Variants in USP50 observed in about 807,000 individuals in gnomAD.
USP50 encodes the protein ubiquitin specific peptidase 50, also known as ubiquitin carboxyl-terminal hydrolase 50.
In USP50, 37 loss-of-function variants were observed where a neutral mutation model predicts 39.2. The ratio of observed to expected loss-of-function variants is 0.94; its 90% CI spans 0.73 to 1.24. USP50 has a LOEUF of 1.24. USP50 is among the 50% of genes most tolerant of loss of function. The probability of loss-of-function intolerance (pLI) is 0.00; values close to 1 mark genes in which losing one functional copy is unlikely to be tolerated. For synonymous variants in USP50, 139 were observed against 144.5 expected, an observed-to-expected ratio of 0.96 and a Z score of 0.27; for missense variants, 374 against 398.2, an observed-to-expected ratio of 0.94 and a Z score of 0.52.
At chr15:50,494,431 T>A in intron 1 of USP50, 1 of 654,092 alleles carries the variant, frequency 1.5e-6, no homozygotes, top group Non-Finnish European at 2.4e-6. Context: ...AAACATCAGG[T>A]AAGTGTAATA....
At chr15:50,515,456 G>T (rs2052794901) in intron 6 of USP50, among the ~76,000 whole-genome samples, 1 of 151,860 alleles carries the variant, frequency 6.6e-6, no homozygotes, top group Admixed American at 6.6e-5. Context: ...TGGCCAGGCT[G>T]GTCTCGAACT....
At chr15:50,529,733 C>T in intron 6 of USP50, 64 bp downstream of exon 6, 1 of 1,551,770 alleles carries the variant, frequency 6.4e-7, no homozygotes, top group Non-Finnish European at 8.7e-7. Context: ...AATAGGGATT[C>T]AAGCAGATAA....
chr15:50,496,480 TAA>T (rs35899607), downstream of USP50, among the ~76,000 whole-genome samples: 1,893 of 116,480 alleles, frequency 0.016, 43 homozygotes, highest in African/African-American at 0.046. Context: ...GACTCCGTCT[TAA>T]AAAAAAAAAA....
At chr15:50,496,186 A>T, downstream of USP50, 1 of 1,037,552 alleles carries the variant, frequency 9.6e-7, no homozygotes, top group Non-Finnish European at 1.4e-6. Flanking sequence ...CAAACATTTT[A>T]TCAGTAAAAC....
intron 5 of USP50, among the ~76,000 whole-genome samples, chr15:50,536,595 C>T (rs1467281008): frequency 2.6e-5 from 4 of 151,946 alleles, no homozygotes; most frequent in African/African-American, 7.3e-5. Context: ...GAGCCGAGAT[C>T]GTGCCACTGC....
intron 5 of USP50, among the ~76,000 whole-genome samples, chr15:50,536,870 C>T (rs928123330): frequency 6.6e-6 from 1 of 152,024 alleles, no homozygotes; most frequent in Non-Finnish European, 1.5e-5. Context: ...GTCAGTTCTT[C>T]CCAACTTGAT....
intron 6 of USP50, among the ~76,000 whole-genome samples, chr15:50,515,863 C>G (rs1043655166): frequency 2.0e-5 from 3 of 151,892 alleles, no homozygotes; most frequent in Non-Finnish European, 4.4e-5. Context: ...TTTCTAAAAG[C>G]AAAATATTTG....
chr15:50,519,572 G>A (rs182788057), intron 6 of USP50, among the ~76,000 whole-genome samples: 123 of 152,126 alleles, frequency 8.1e-4, no homozygotes, highest in African/African-American at 1.2e-3. Context: ...AAAATTAGGC[G>A]GGTGCGGTGG....
chr15:50,523,062 G>A (rs1204188978), intron 6 of USP50, among the ~76,000 whole-genome samples: 3 of 151,828 alleles, frequency 2.0e-5, no homozygotes, highest in Non-Finnish European at 4.4e-5. Context: ...TCTGTTTGCT[G>A]AGGACACGAT....
rs769303972 is a variant in USP50, at chr15:50,529,877, G to A, written c.856C>T (p.Pro286Ser). ...KRKLRTDIHY[P>S]LTNLDLTPYI... ...GGAGTGAGGTCCAAGTTAGTGAGTG[G>A]GTAATGAATATCCGTTCTCAGCTTC... Residue 286 changes from proline to serine, a missense_variant, in exon 6 of 7, where the codon CCA (proline) becomes TCA (serine). Physicochemically the swap from Pro to Ser is moderately conservative, Grantham distance 74. Transcript: ENST00000532404. 1 of 1,613,914 alleles carries A rather than the reference G, an allele frequency of 6.2e-7. No homozygotes were observed. The highest frequency in any genetic ancestry group is 8.5e-7 in the Non-Finnish European group (1 of 1,179,860).
At chr15:50,499,213 G>A, downstream of USP50, 1 of 884,740 alleles carries the variant, frequency 1.1e-6, no homozygotes, top group Non-Finnish European at 1.6e-6. Flanking sequence ...TGGGAGCTGT[G>A]TTACTAGCAC....
At chr15:50,527,244 A>G (rs2052905418) in intron 6 of USP50, among the ~76,000 whole-genome samples, 1 of 152,050 alleles carries the variant, frequency 6.6e-6, no homozygotes, top group South Asian at 2.1e-4. Flanking sequence ...TCGTTCTGTC[A>G]TCCAGGCTGG....
chr15:50,528,866 T>C (rs929148275), intron 6 of USP50, among the ~76,000 whole-genome samples: 4 of 152,206 alleles, frequency 2.6e-5, no homozygotes, highest in Admixed American at 6.5e-5. Context: ...TGAATCCTAC[T>C]GGGCTCCGGT....
chr15:50,525,729 G>GTA (rs200842235), intron 6 of USP50, among the ~76,000 whole-genome samples: 18,528 of 114,076 alleles, frequency 0.16, 2,887 homozygotes, highest in Admixed American at 0.25. Context: ...ATGTATATAT[G>GTA]TATATGTATA....
intron 6 of USP50, chr15:50,508,116 A>T (rs1206433505): frequency 6.6e-6 from 1 of 151,090 alleles, no homozygotes; most frequent in African/African-American, 2.4e-5. Flanking sequence ...TTTAGACCCT[A>T]GTCTTTGAAC....
In USP50 at chr15:50,546,517, A is replaced by G; in HGVS notation, c.9T>C (p.Ser3=). The G allele has an allele frequency of 6.2e-7, 1 of 1,613,670 alleles. No homozygotes were observed. The change falls in exon 1 of 7, where the codon TCT becomes TCC. Residue 3 remains serine (S), a synonymous_variant. Coordinates refer to ENST00000532404, the MANE Select transcript of USP50 (RefSeq NM_203494.5). MT[S]QPSLPADDFD... is the part of the protein sequence containing the mutation. ...AGTCATCTGCAGGGAGAGACGGCTG[A>G]GAAGTCATTTTAATGGAACCACGTT...
chr15:50,543,679 T>C lies in USP50; in HGVS notation c.363A>G (p.Pro121=), dbSNP rs753673500. The C allele has an allele frequency of 1.5e-5, 25 of 1,613,424 alleles. No homozygotes were observed. Among genetic ancestry groups the C allele is most frequent in the Non-Finnish European group, 2.0e-5 (24 of 1,179,666 alleles). ...IFWSALGNLY[P]AFTKKMQQDA... is the part of the protein sequence containing the mutation. ...CTTGTTGCATCTTTTTCGTAAATGCTGGGTAGAGGTTGCCAAGAGCTGACC... is the reference window on the plus strand; with the variant it reads ...CTTGTTGCATCTTTTTCGTAAATGCCGGGTAGAGGTTGCCAAGAGCTGACC... The change falls in exon 3 of 7, where the codon CCA becomes CCG. Residue 121 remains proline (P), a synonymous_variant. Coordinates refer to ENST00000532404, the MANE Select transcript of USP50 (RefSeq NM_203494.5).
At position 50,538,714 on chromosome 15, in the gene USP50, T is replaced by C; in HGVS notation, c.798A>G (p.Leu266=). The change falls in exon 5 of 7, where the codon CTA becomes CTG. Residue 266 remains leucine, a synonymous_variant. Transcript: ENST00000532404. ...SKAPKIIIFH[L]KRFDIQGTTK... ...AAAAATGTAAAAATCCATACCTTTT[T>C]AGGTGGAAAATAATTATTTTTGGTG... The C allele has an allele frequency of 6.3e-7, 1 of 1,581,488 alleles. No homozygotes were observed. Among genetic ancestry groups the C allele is most frequent in the Admixed American group, 1.9e-5 (1 of 53,368 alleles).
rs1371244359 is a variant in USP50 at position 50,520,691 on chromosome 15, GA to G, written c.936+9105del. Among the ~76,000 whole-genome samples, 5 of 152,222 alleles carry G rather than the reference GA, an allele frequency of 3.3e-5. No homozygotes were observed. The East Asian group carries it at 9.7e-4, about 30-fold the overall frequency. On this transcript the variant is annotated intron_variant, in intron 6 of 6. Coordinates refer to ENST00000532404, the MANE Select transcript of USP50 (RefSeq NM_203494.5). ...CTCATCATCTGCAGTAACATGGATG[GA>G]ACTGAAGGTCGTCATGTTAAGTGAA...
Sources: gnomAD v4.1 joint callset for allele counts (sites outside exome capture counted in the v4.1 genomes callset) on GRCh38, gnomAD v4.1.1 for gene constraint, MANE v1.5 for transcripts, NCBI Gene and HGNC (gene_info 2026-07-23, HGNC 2026-07-21) for gene names.